Variants in CSNK1G3 observed in about 807,000 individuals in gnomAD.
The protein encoded by CSNK1G3 is casein kinase 1 gamma 3, also known as casein kinase I isoform gamma-3.
A neutral mutation model predicts 64.3 loss-of-function variants in CSNK1G3; 23 were observed. The observed-to-expected ratio is 0.36, with a 90% CI of 0.26 to 0.51. The LOEUF (loss-of-function observed/expected upper bound fraction) is 0.51. Among genes scored for constraint, CSNK1G3 ranks in the 20% least tolerant of loss-of-function variants. The pLI is 0.96. For missense variants in CSNK1G3, 357 were observed against 510.5 expected (o/e 0.70, Z 2.90); for synonymous variants, 158 against 162.2 (o/e 0.97, Z 0.20).
chr5:123,568,268 A>C (rs1787335792), intron 4 of CSNK1G3, among the ~76,000 whole-genome samples: 1 of 152,132 alleles, frequency 6.6e-6, no homozygotes, highest in Non-Finnish European at 1.5e-5. Context: ...AGTGGATCAG[A>C]CCAGCAGCCG....
At chr5:123,516,434 T>A (rs1213977249) in intron 1 of CSNK1G3, among the ~76,000 whole-genome samples, 3 of 152,176 alleles carry the variant, frequency 2.0e-5, no homozygotes, top group Non-Finnish European at 4.4e-5. Context: ...AGACATTTTT[T>A]CTTTTTTTTA....
At chr5:123,552,511 T>TCAAA (rs1783885036) in intron 2 of CSNK1G3, among the ~76,000 whole-genome samples, 1 of 152,256 alleles carries the variant, frequency 6.6e-6, no homozygotes, top group African/African-American at 2.4e-5. Flanking sequence ...TGTTTTTAGC[T>TCAAA]TATATTTAAC....
At chr5:123,538,910 C>G (rs2150179593) in intron 1 of CSNK1G3, among the ~76,000 whole-genome samples, 1 of 152,190 alleles carries the variant, frequency 6.6e-6, no homozygotes, top group South Asian at 2.1e-4. Flanking sequence ...TTAGCGTCTT[C>G]TAAGAAATTT....
At chr5:123,525,677 T>C (rs1778925316) in intron 1 of CSNK1G3, among the ~76,000 whole-genome samples, 1 of 152,114 alleles carries the variant, frequency 6.6e-6, no homozygotes, top group African/African-American at 2.4e-5. Flanking sequence ...CACAAGCATC[T>C]GACTTAGCTG....
At chr5:123,557,028 A>G (rs1047597572) in intron 3 of CSNK1G3, among the ~76,000 whole-genome samples, 2 of 152,096 alleles carry the variant, frequency 1.3e-5, no homozygotes, top group African/African-American at 4.8e-5. Context: ...TTTATTGCAT[A>G]TAAGTTATAC....
chr5:123,530,072 G>T (rs145234665), intron 1 of CSNK1G3, among the ~76,000 whole-genome samples: 2 of 150,986 alleles, frequency 1.3e-5, no homozygotes, highest in Non-Finnish European at 2.9e-5. Context: ...GGGTGACAAA[G>T]TGAGACCCTG....
At chr5:123,581,360 G>GTTTTTTT (rs10612602) in intron 6 of CSNK1G3, among the ~76,000 whole-genome samples, 20 of 81,572 alleles carry the variant, frequency 2.5e-4, no homozygotes, top group South Asian at 4.5e-4. Context: ...TTTTGGGTTT[G>GTTTTTTT]TTTTTTTTTT....
At chr5:123,527,904 A>G (rs1000905523) in intron 1 of CSNK1G3, among the ~76,000 whole-genome samples, 8 of 152,254 alleles carry the variant, frequency 5.3e-5, no homozygotes, top group East Asian at 3.9e-4. Context: ...AACATATTCA[A>G]ATCTTTTCTT....
At chr5:123,590,373 AAAAGT>A (rs774011915) in intron 8 of CSNK1G3, 32 bp from the exon 9 acceptor site, 9 of 1,111,150 alleles carry the variant, frequency 8.1e-6, no homozygotes, top group Middle Eastern at 2.6e-4. Flanking sequence ...AGTATTAAAG[AAAAGT>A]ATAGTCCAAA....
At chr5:123,558,525 C>T (rs1347276335) in intron 4 of CSNK1G3, among the ~76,000 whole-genome samples, 1 of 152,092 alleles carries the variant, frequency 6.6e-6, no homozygotes, top group African/African-American at 2.4e-5. Context: ...TTTTTGTAAG[C>T]ATGTTTACAT....
intron 6 of CSNK1G3, among the ~76,000 whole-genome samples, chr5:123,579,307 T>A (rs1581244680): frequency 7.2e-6 from 1 of 138,764 alleles, no homozygotes; most frequent in South Asian, 2.3e-4. Flanking sequence ...TTTTTTTTTT[T>A]AAGAAAAGTA....
chr5:123,519,196 G>C (rs1202665677), intron 1 of CSNK1G3, among the ~76,000 whole-genome samples: 1 of 152,068 alleles, frequency 6.6e-6, no homozygotes, highest in Admixed American at 6.6e-5. Flanking sequence ...TGGGATTACA[G>C]GCAGTCGCCA....
intron 10 of CSNK1G3, among the ~76,000 whole-genome samples, chr5:123,594,562 A>G (rs1428935802): frequency 1.3e-5 from 2 of 152,184 alleles, no homozygotes; most frequent in East Asian, 3.8e-4. Flanking sequence ...CAAGAGAGAA[A>G]ATATTTTTAG....
intron 1 of CSNK1G3, among the ~76,000 whole-genome samples, chr5:123,528,887 C>CA (rs1779480371): frequency 6.6e-6 from 1 of 152,206 alleles, no homozygotes; most frequent in South Asian, 2.1e-4. Context: ...CATTCACAGA[C>CA]ACGTACATAC....
intron 1 of CSNK1G3, among the ~76,000 whole-genome samples, chr5:123,538,428 A>T (rs1374151626): frequency 6.6e-6 from 1 of 152,196 alleles, no homozygotes; most frequent in Non-Finnish European, 1.5e-5. Flanking sequence ...ACAAGTAATG[A>T]TACTGAGCAG....
At chr5:123,514,409 AC>A (rs1452934056) in intron 1 of CSNK1G3, among the ~76,000 whole-genome samples, 3 of 152,198 alleles carry the variant, frequency 2.0e-5, no homozygotes, top group Non-Finnish European at 4.4e-5. Context: ...AAAATAAAGG[AC>A]TGGAATTAGT....
At chr5:123,522,881 A>G (rs911569128) in intron 1 of CSNK1G3, among the ~76,000 whole-genome samples, 2 of 152,194 alleles carry the variant, frequency 1.3e-5, no homozygotes, top group Non-Finnish European at 2.9e-5. Context: ...CCAAAGTTAG[A>G]GGATTTCTGA....
At chr5:123,519,574 T>C (rs1416050692) in intron 1 of CSNK1G3, among the ~76,000 whole-genome samples, 1 of 152,208 alleles carries the variant, frequency 6.6e-6, no homozygotes, top group Non-Finnish European at 1.5e-5. Flanking sequence ...ATACCTTTGA[T>C]TTCATTGATT....
chr5:123,603,554 C>G (rs549028651), intron 10 of CSNK1G3, among the ~76,000 whole-genome samples: 4 of 151,914 alleles, frequency 2.6e-5, no homozygotes, highest in Non-Finnish European at 4.4e-5. Context: ...AATGAGCAAG[C>G]AAATAAGAAA....
Sources: allele counts gnomAD v4.1 joint callset (sites outside exome capture counted in the v4.1 genomes callset), GRCh38; gene constraint gnomAD v4.1.1; transcripts MANE v1.5; gene names NCBI Gene and HGNC (gene_info 2026-07-23, HGNC 2026-07-21).